Variants in ZGPAT observed in about 807,000 individuals in gnomAD.
ZGPAT encodes the protein zinc finger CCCH-type with G patch domain-containing protein.
ZGPAT carries 39 observed loss-of-function variants against 47.9 expected under a neutral mutation model. That is an observed-to-expected ratio of 0.81 (90% confidence interval 0.63 to 1.06). The LOEUF (loss-of-function observed/expected upper bound fraction) is 1.06. Ranked by LOEUF, ZGPAT falls within the 50% of genes least tolerant of loss-of-function variation. The pLI is 0.00. For missense variants in ZGPAT, 717 were observed against 681.4 expected (o/e 1.05, Z -0.58); for synonymous variants, 348 against 292.9 (o/e 1.19, Z -1.92).
intron 2 of ZGPAT, among the ~76,000 whole-genome samples, chr20:63,724,376 A>AAAAAAAG (rs1555829459): frequency 6.6e-6 from 1 of 151,104 alleles, no homozygotes; most frequent in Non-Finnish European, 1.5e-5. Context: ...AAAAAAAAAA[A>AAAAAAAG]AAAAGAAAAG....
intron 2 of ZGPAT, among the ~76,000 whole-genome samples, chr20:63,727,669 CAA>C (rs746126031): frequency 7.8e-4 from 36 of 45,882 alleles, no homozygotes; most frequent in African/African-American, 1.4e-3. Context: ...GACTCGGTCT[CAA>C]AAAAAAAAAA....
intron 2 of ZGPAT, among the ~76,000 whole-genome samples, chr20:63,715,615 T>C (rs1266731584): frequency 6.6e-6 from 1 of 152,200 alleles, no homozygotes; most frequent in Admixed American, 6.6e-5. Flanking sequence ...GCTGTTTTGT[T>C]GAGAATATTT....
chr20:63,721,851 A>C (rs532093566), intron 2 of ZGPAT, among the ~76,000 whole-genome samples: 1 of 152,214 alleles, frequency 6.6e-6, no homozygotes, highest in Admixed American at 6.6e-5. Context: ...CCCCGTCTCT[A>C]GTAAAAATAC....
At chr20:63,724,347 A>AT (rs1204648543) in intron 2 of ZGPAT, among the ~76,000 whole-genome samples, 1 of 144,898 alleles carries the variant, frequency 6.9e-6, no homozygotes. Context: ...CCTAGATGAC[A>AT]GAGCGAGACT....
chr20:63,715,292 G>A (rs1290020367), intron 2 of ZGPAT, among the ~76,000 whole-genome samples: 2 of 148,874 alleles, frequency 1.3e-5, no homozygotes, highest in African/African-American at 2.5e-5. Flanking sequence ...CCGGGCTGGA[G>A]TGAGTGGCGC....
intron 2 of ZGPAT, among the ~76,000 whole-genome samples, chr20:63,718,875 G>A (rs1401929215): frequency 1.3e-5 from 2 of 151,830 alleles, no homozygotes; most frequent in Admixed American, 1.3e-4. Flanking sequence ...GACCACCCTG[G>A]CTAACATGGT....
At chr20:63,727,305 A>G (rs2091855551) in intron 2 of ZGPAT, among the ~76,000 whole-genome samples, 1 of 148,362 alleles carries the variant, frequency 6.7e-6, no homozygotes, top group South Asian at 2.1e-4. Flanking sequence ...CAGTGGTGCC[A>G]TCTCGGCTCA....
intron 2 of ZGPAT, among the ~76,000 whole-genome samples, chr20:63,712,788 C>T (rs2315009): frequency 9.9e-5 from 15 of 151,784 alleles, no homozygotes; most frequent in African/African-American, 2.4e-5. Context: ...CCCAGCTACA[C>T]GAGAGGGTGA....
Position 63,708,610 on chromosome 20 carries a change from G to A in ZGPAT, c.30G>A (p.Leu10=), listed in dbSNP as rs1568780011. Residue 10 remains leucine, a synonymous_variant, in exon 2 of 7, where the codon TTG becomes TTA. Transcript: ENST00000355969. MDEESLESA[L]QTYRAQLQQV... is the part of the protein sequence containing the mutation. ...ACGAGGAGAGCCTGGAGTCGGCCTT[G>A]CAGACCTACCGTGCGCAGCTGCAGC... 1.2e-6 allele frequency: 2 copies of A among 1,607,860 alleles called. No individual in the cohort carries two copies. The highest frequency in any genetic ancestry group is 1.7e-5 in the Admixed American group (1 of 59,744).
intron 2 of ZGPAT, among the ~76,000 whole-genome samples, chr20:63,712,904 A>G (rs13044792): frequency 2.1e-4 from 32 of 152,218 alleles, no homozygotes; most frequent in African/African-American, 7.0e-4. Flanking sequence ...TTAAACAACA[A>G]CAATAACAGA....
chr20:63,711,690 C>T (rs2091669904), intron 2 of ZGPAT, among the ~76,000 whole-genome samples: 3 of 151,868 alleles, frequency 2.0e-5, no homozygotes, highest in Admixed American at 2.0e-4. Context: ...TCAAGGGATT[C>T]TCCTGCCTCA....
At chr20:63,716,928 C>T (rs2091735362) in intron 2 of ZGPAT, among the ~76,000 whole-genome samples, 1 of 152,076 alleles carries the variant, frequency 6.6e-6, no homozygotes, top group South Asian at 2.1e-4. Flanking sequence ...GTGATCCGCC[C>T]ACCTTGGCCT....
At position 63,712,725 on chromosome 20, in the gene ZGPAT, G is replaced by A. The variant is rs550710163; in HGVS notation, c.584+3561G>A. ...AGCCTGGCCAACGTGGTGAAACCCC[G>A]TCTCTACTAAAAATAAAAAACAAAT... On this transcript the variant is annotated intron_variant, in intron 2 of 6. Coordinates refer to ENST00000355969, the MANE Select transcript of ZGPAT (RefSeq NM_181485.3). Among the ~76,000 whole-genome samples, 6 of 152,178 alleles carry A rather than the reference G, an allele frequency of 3.9e-5. No homozygotes were observed. The South Asian group carries it at 1.0e-3, about 26-fold the overall frequency.
At chr20:63,710,683 T>G (rs2091656585) in intron 2 of ZGPAT, among the ~76,000 whole-genome samples, 1 of 152,232 alleles carries the variant, frequency 6.6e-6, no homozygotes, top group African/African-American at 2.4e-5. Flanking sequence ...TTTTTCCAAT[T>G]ATGAATACTT....
chr20:63,724,148 C>T (rs1354087798), intron 2 of ZGPAT, among the ~76,000 whole-genome samples: 2 of 151,968 alleles, frequency 1.3e-5, no homozygotes, highest in Non-Finnish European at 2.9e-5. Flanking sequence ...AGTGGATCAC[C>T]GGAGGTCAGG....
At chr20:63,716,277 G>A (rs559086241) in intron 2 of ZGPAT, among the ~76,000 whole-genome samples, 27 of 152,172 alleles carry the variant, frequency 1.8e-4, no homozygotes, top group Non-Finnish European at 3.2e-4. Context: ...TGATCCACCC[G>A]CCTCGGCCTC....
rs759396847 is a variant in ZGPAT, at chr20:63,708,758, A to G, written c.178A>G (p.Ser60Gly). ...TEASLVSVRK[S>G]SLLAALDEER... ...GGCCAGCCTGGTGTCTGTCAGGAAG[A>G]GCAGCTTGTTGGCCGCGCTGGACGA... is the stretch of plus-strand genomic sequence containing the variant. Residue 60 changes from serine to glycine, a missense_variant, in exon 2 of 7, where the codon AGC becomes GGC. By Grantham distance (56) the Ser-to-Gly change is moderately conservative. Coordinates refer to ENST00000355969, the MANE Select transcript of ZGPAT (RefSeq NM_181485.3). 6.2e-7 allele frequency: 1 copy of G among 1,611,692 alleles called. No homozygotes were observed. The highest frequency in any genetic ancestry group is 8.5e-7 in the Non-Finnish European group (1 of 1,179,002).
intron 2 of ZGPAT, among the ~76,000 whole-genome samples, chr20:63,729,481 C>G (rs557326297): frequency 6.6e-6 from 1 of 152,260 alleles, no homozygotes; most frequent in Non-Finnish European, 1.5e-5. Flanking sequence ...GGGTTGGGAT[C>G]TTTTATGTAT....
At chr20:63,725,550 C>T (rs2091836345) in intron 2 of ZGPAT, among the ~76,000 whole-genome samples, 2 of 151,784 alleles carry the variant, frequency 1.3e-5, no homozygotes, top group South Asian at 2.1e-4. Flanking sequence ...TGTCTTTGGC[C>T]TTTAGTAGTT....
Sources: allele counts gnomAD v4.1 joint callset (sites outside exome capture counted in the v4.1 genomes callset), GRCh38; gene constraint gnomAD v4.1.1; transcripts MANE v1.5; gene names NCBI Gene and HGNC (gene_info 2026-07-23, HGNC 2026-07-21).